The following ERG variants were observed in gnomAD, a reference collection of about 807,000 sequenced individuals.
ERG encodes the protein transcriptional regulator ERG.
ERG carries 9 observed loss-of-function variants against 55.3 expected under a neutral mutation model. That is an observed-to-expected ratio of 0.16 (90% CI 0.10 to 0.28). The LOEUF (loss-of-function observed/expected upper bound fraction) is 0.28. Among genes scored for constraint, ERG ranks in the 10% least tolerant of loss-of-function variants. The probability of loss-of-function intolerance (pLI) is 1.00; values close to 1 mark genes in which losing one functional copy is unlikely to be tolerated. For missense variants in ERG, 434 were observed against 631.6 expected (o/e 0.69, Z 3.35); for synonymous variants, 223 against 237.3 (o/e 0.94, Z 0.55).
upstream of ERG, among the ~76,000 whole-genome samples, chr21:38,588,234 TGCTCACCCCA>T (rs1441830028): frequency 1.3e-5 from 2 of 151,862 alleles, no homozygotes; most frequent in African/African-American, 2.4e-5. Flanking sequence ...GAGTGCAAAC[TGCTCACCCCA>T]GCTCAATCAC....
chr21:38,577,450 C>T (rs77146083), intron 1 of ERG, among the ~76,000 whole-genome samples: 2,594 of 152,122 alleles, frequency 0.017, 22 homozygotes, highest in Non-Finnish European at 0.027. Flanking sequence ...CTTCCCCCCA[C>T]CCCCACCCCC....
At chr21:38,394,844 A>G (rs1412975769) in intron 6 of ERG, among the ~76,000 whole-genome samples, 2 of 152,220 alleles carry the variant, frequency 1.3e-5, no homozygotes, top group East Asian at 1.9e-4. Context: ...TACCCATGGC[A>G]TAAGTATGCT....
At chr21:38,384,007 G>A (rs1987572342) in intron 9 of ERG, 84 bp from the exon 10 acceptor site, 1 of 1,509,312 alleles carries the variant, frequency 6.6e-7, no homozygotes, top group Non-Finnish European at 8.8e-7. Flanking sequence ...GGAAGGAGGT[G>A]CTATTGGTGT....
chr21:38,443,368 C>A (rs1472994600), intron 2 of ERG, among the ~76,000 whole-genome samples: 2 of 152,182 alleles, frequency 1.3e-5, no homozygotes, highest in Non-Finnish European at 2.9e-5. Context: ...CTCCTCCCTG[C>A]AGGTGAATTG....
intron 2 of ERG, among the ~76,000 whole-genome samples, chr21:38,551,058 T>G (rs761501733): frequency 1.8e-4 from 27 of 152,236 alleles, no homozygotes; most frequent in Non-Finnish European, 3.7e-4. Context: ...ATTTCTTTCC[T>G]GGTTCAATCT....
intron 1 of ERG, among the ~76,000 whole-genome samples, chr21:38,619,741 T>C (rs2836573): frequency 0.049 from 7,525 of 152,358 alleles, 587 homozygotes; most frequent in African/African-American, 0.17. Flanking sequence ...CATCTGTGAA[T>C]TTATGGCATT....
chr21:38,610,364 C>T (rs1192183783), intron 1 of ERG, among the ~76,000 whole-genome samples: 1 of 152,180 alleles, frequency 6.6e-6, no homozygotes, highest in Non-Finnish European at 1.5e-5. Context: ...CACTGCCATG[C>T]GGGCTTCTAT....
intron 1 of ERG, among the ~76,000 whole-genome samples, chr21:38,468,975 T>C (rs1393662461): frequency 1.1e-5 from 1 of 90,022 alleles, no homozygotes; most frequent in Non-Finnish European, 2.3e-5. Flanking sequence ...ACAGCCAGAC[T>C]CTGTCTCAAA....
intron 1 of ERG, among the ~76,000 whole-genome samples, chr21:38,454,072 T>C (rs1162541007): frequency 6.6e-6 from 1 of 152,198 alleles, no homozygotes; most frequent in African/African-American, 2.4e-5. Flanking sequence ...TTTCTACTCT[T>C]GACACTCAAT....
intron 1 of ERG, among the ~76,000 whole-genome samples, chr21:38,496,875 T>G (rs2059384237): frequency 1.3e-5 from 2 of 152,294 alleles, no homozygotes; most frequent in Admixed American, 1.3e-4. Context: ...CCACATAAGA[T>G]CGTACCCAAG....
intron 1 of ERG, among the ~76,000 whole-genome samples, chr21:38,630,903 G>A (rs1315969853): frequency 1.3e-5 from 2 of 152,166 alleles, no homozygotes; most frequent in African/African-American, 4.8e-5. Context: ...CCCTCAGGAA[G>A]AAGTAGAGCT....
intron 2 of ERG, among the ~76,000 whole-genome samples, chr21:38,440,574 A>C (rs1476193019): frequency 6.6e-6 from 1 of 152,030 alleles, no homozygotes. Context: ...TAATCCCAGC[A>C]CTTTGGGAGG....
chr21:38,508,004 C>CAGACACAT (rs1568866339), intron 2 of ERG, among the ~76,000 whole-genome samples: 1 of 8,666 alleles, frequency 1.2e-4, no homozygotes, highest in Non-Finnish European at 2.4e-4. Flanking sequence ...CACATGCACA[C>CAGACACAT]ACACAGAGAC....
At chr21:38,378,549 A>G (rs781467208), downstream of ERG, among the ~76,000 whole-genome samples, 7 of 152,224 alleles carry the variant, frequency 4.6e-5, no homozygotes, top group Non-Finnish European at 1.0e-4. Flanking sequence ...TCCTGAATCA[A>G]TGGGTGATAA....
rs778042834 is a variant in ERG at position 38,445,590 on chromosome 21, G to C, written c.50C>G (p.Ser17Trp). ...CGTTCCGTAGGCACACTCAAACAAC[G>C]ACTGGTCCTCACTCACAACTGATAA... ...EALSVVSEDQ[S>W]LFECAYGTPH... The change falls in exon 2 of 10, where the codon TCG becomes TGG. Residue 17 changes from serine to tryptophan, a missense_variant. Transcript: ENST00000288319. 4 of 1,614,052 alleles carry C rather than the reference G, an allele frequency of 2.5e-6. No individual in the cohort carries two copies. The highest frequency in any genetic ancestry group is 3.4e-6 in the Non-Finnish European group (4 of 1,180,004).
At chr21:38,379,366 G>A (rs1987327355), downstream of ERG, among the ~76,000 whole-genome samples, 1 of 152,206 alleles carries the variant, frequency 6.6e-6, no homozygotes, top group African/African-American at 2.4e-5. Flanking sequence ...CTTATTCAAT[G>A]AGTCATGAGT....
intron 5 of ERG, 81 bp downstream of exon 5, chr21:38,402,476 G>T: frequency 9.7e-7 from 1 of 1,028,226 alleles, no homozygotes; most frequent in Non-Finnish European, 1.5e-6. Flanking sequence ...GGCACGCGCT[G>T]ACTGGTTTCC....
At chr21:38,410,553 T>C (rs1000893969) in intron 3 of ERG, among the ~76,000 whole-genome samples, 6 of 152,110 alleles carry the variant, frequency 3.9e-5, no homozygotes, top group Non-Finnish European at 8.8e-5. Flanking sequence ...ATGTACTCTG[T>C]ATGTGGAGTG....
At chr21:38,551,658 T>A (rs1217517395) in intron 2 of ERG, among the ~76,000 whole-genome samples, 2 of 152,256 alleles carry the variant, frequency 1.3e-5, no homozygotes, top group East Asian at 3.8e-4. Context: ...TTGAGAGATA[T>A]TCTTAGCATT....
Sources: gnomAD v4.1 joint callset for allele counts (sites outside exome capture counted in the v4.1 genomes callset) on GRCh38, gnomAD v4.1.1 for gene constraint, MANE v1.5 for transcripts, NCBI Gene and HGNC (gene_info 2026-07-23, HGNC 2026-07-21) for gene names.